The following DHX57 variants were observed in gnomAD, a reference collection of about 807,000 sequenced individuals.
DHX57 encodes DExH-box helicase 57.
In DHX57, 105 loss-of-function variants were observed where a neutral mutation model predicts 156.2. The ratio of observed to expected loss-of-function variants is 0.67; its 90% CI spans 0.57 to 0.79. The LOEUF (loss-of-function observed/expected upper bound fraction) is 0.79. Among genes scored for constraint, DHX57 ranks in the 30% least tolerant of loss-of-function variants. The probability of loss-of-function intolerance (pLI) is 0.00; values close to 1 mark genes in which losing one functional copy is unlikely to be tolerated. For synonymous variants in DHX57, 704 were observed against 595.6 expected (o/e 1.18, Z -2.65); for missense variants, 1,847 against 1,661.9 (o/e 1.11, Z -1.94).
intron 9 of DHX57, among the ~76,000 whole-genome samples, 167 bp from the exon 10 acceptor site, chr2:38,848,569 T>C (rs1321316430): frequency 6.6e-6 from 1 of 152,176 alleles, no homozygotes; most frequent in Non-Finnish European, 1.5e-5. Context: ...AGCCTTACTA[T>C]TACAGGTTGA....
At chr2:38,871,876 T>C (rs1191595316) in intron 1 of DHX57, among the ~76,000 whole-genome samples, 2 of 152,052 alleles carry the variant, frequency 1.3e-5, no homozygotes, top group Non-Finnish European at 2.9e-5. Flanking sequence ...AAGTTTTTGT[T>C]TTTTTGTATT....
At chr2:38,858,873 C>A in intron 5 of DHX57, 37 bp from the exon 6 acceptor site, 2 of 1,569,504 alleles carry the variant, frequency 1.3e-6, no homozygotes, top group Non-Finnish European at 1.7e-6. Context: ...CAGTATGGAG[C>A]CCTTTCTTTA....
intron 1 of DHX57, among the ~76,000 whole-genome samples, chr2:38,874,338 A>G (rs1248419286): frequency 6.7e-6 from 1 of 148,946 alleles, no homozygotes; most frequent in East Asian, 2.0e-4. Context: ...CAATCGTCTC[A>G]CCTTGGCCTC....
At chr2:38,846,119 G>A (rs1244979798) in intron 11 of DHX57, among the ~76,000 whole-genome samples, 2 of 152,038 alleles carry the variant, frequency 1.3e-5, no homozygotes, top group Non-Finnish European at 2.9e-5. Flanking sequence ...GCTCGCCTCG[G>A]CCTCCCAAAG....
intron 13 of DHX57, among the ~76,000 whole-genome samples, chr2:38,833,531 G>T (rs1404453391): frequency 6.6e-6 from 1 of 152,144 alleles, no homozygotes; most frequent in Non-Finnish European, 1.5e-5. Context: ...GAAACCTGAA[G>T]AAAATAAAGG....
chr2:38,841,797 A>C (rs1409274156), intron 12 of DHX57, among the ~76,000 whole-genome samples: 1 of 152,230 alleles, frequency 6.6e-6, no homozygotes, highest in Non-Finnish European at 1.5e-5. Flanking sequence ...AGTTTAGCTT[A>C]TATGGATAGA....
intron 13 of DHX57, among the ~76,000 whole-genome samples, chr2:38,830,961 A>C (rs1671349119): frequency 6.6e-6 from 1 of 151,984 alleles, no homozygotes; most frequent in South Asian, 2.1e-4. Context: ...AGGGCTCGAG[A>C]GGCTGAGGGA....
intron 8 of DHX57, chr2:38,854,395 A>C: frequency 8.0e-6 from 3 of 376,306 alleles, no homozygotes; most frequent in South Asian, 3.7e-5. Flanking sequence ...AAAAAGCATT[A>C]AAAAACAGTG....
chr2:38,861,847 G>A lies in DHX57; in HGVS notation c.573-10C>T. 1 of 1,564,730 alleles carries A rather than the reference G, an allele frequency of 6.4e-7. No homozygotes were observed. ...AGTATTGAAACCATACCTGTCAAGG[G>A]CAAAACATGACAAAAATGACACATA... On this transcript the variant is annotated splice_polypyrimidine_tract_variant and intron_variant, in intron 4 of 23. Coordinates refer to ENST00000457308, the MANE Select transcript of DHX57 (RefSeq NM_198963.3).
At chr2:38,865,119 C>A (rs1664996662) in intron 2 of DHX57, among the ~76,000 whole-genome samples, 1 of 152,132 alleles carries the variant, frequency 6.6e-6, no homozygotes, top group Admixed American at 6.6e-5. Flanking sequence ...TTTCTCTTAG[C>A]TTTATTTATT....
chr2:38,847,866 G>T (rs947866207), intron 10 of DHX57, among the ~76,000 whole-genome samples: 1 of 152,066 alleles, frequency 6.6e-6, no homozygotes, highest in Non-Finnish European at 1.5e-5. Flanking sequence ...GGCAGATCGT[G>T]AGGTCAGGAG....
At chr2:38,851,260 T>C (rs1672577580) in intron 9 of DHX57, among the ~76,000 whole-genome samples, 1 of 152,302 alleles carries the variant, frequency 6.6e-6, no homozygotes, top group Non-Finnish European at 1.5e-5. Flanking sequence ...ACTAGCAATT[T>C]TATAAGGGAC....
chr2:38,820,201 C>CT (rs1468975373), intron 17 of DHX57, among the ~76,000 whole-genome samples: 8 of 152,066 alleles, frequency 5.3e-5, no homozygotes, highest in Non-Finnish European at 1.0e-4. Context: ...AAATTCCTTC[C>CT]TTTTTAGACA....
chr2:38,848,432 T>A (rs1311584605), intron 9 of DHX57, 30 bp from the exon 10 acceptor site: 1 of 1,556,146 alleles, frequency 6.4e-7, no homozygotes, highest in East Asian at 2.3e-5. Context: ...CACCTGAGGA[T>A]CAAACAAATT....
At chr2:38,837,495 C>T (rs896541707) in intron 13 of DHX57, among the ~76,000 whole-genome samples, 1 of 150,414 alleles carries the variant, frequency 6.6e-6, no homozygotes, top group African/African-American at 2.4e-5. Context: ...CTTGTAATCC[C>T]AGCTACTCAG....
At chr2:38,874,498 C>A (rs1306314898) in intron 1 of DHX57, among the ~76,000 whole-genome samples, 2 of 149,438 alleles carry the variant, frequency 1.3e-5, no homozygotes, top group Non-Finnish European at 3.0e-5. Flanking sequence ...CAACCTCCAC[C>A]TCCCGGGTTC....
chr2:38,856,793 T>A (rs1006859555), intron 6 of DHX57: 7 of 175,940 alleles, frequency 4.0e-5, no homozygotes, highest in Non-Finnish European at 6.0e-5. Flanking sequence ...TTTTTTTTTT[T>A]AATTATAGAG....
At chr2:38,833,374 C>A (rs1323723548) in intron 13 of DHX57, among the ~76,000 whole-genome samples, 1 of 151,794 alleles carries the variant, frequency 6.6e-6, no homozygotes, top group Non-Finnish European at 1.5e-5. Context: ...AACTCCTGAC[C>A]TCAGGTGATC....
intron 7 of DHX57, among the ~76,000 whole-genome samples, chr2:38,856,037 G>C (rs954470166): frequency 1.3e-5 from 2 of 152,140 alleles, no homozygotes; most frequent in Non-Finnish European, 2.9e-5. Flanking sequence ...CTTGAACCCA[G>C]GAGGCAAAGG....
Sources: allele counts gnomAD v4.1 joint callset (sites outside exome capture counted in the v4.1 genomes callset), GRCh38; gene constraint gnomAD v4.1.1; transcripts MANE v1.5; gene names NCBI Gene and HGNC (gene_info 2026-07-23, HGNC 2026-07-21).